The following LINGO2 variants were observed in gnomAD, a reference collection of about 807,000 sequenced individuals.
LINGO2 encodes leucine-rich repeat and immunoglobulin-like domain-containing nogo receptor-interacting protein 2.
Under a neutral mutation model 30.6 loss-of-function variants are expected in LINGO2, and 14 were observed. The ratio of observed to expected loss-of-function variants is 0.46; its 90% CI spans 0.30 to 0.72. LINGO2 has a LOEUF of 0.72. Among genes scored for constraint, LINGO2 ranks in the 30% least tolerant of loss-of-function variants. The pLI is 0.07. For missense variants in LINGO2, 729 were observed against 751.7 expected (o/e 0.97, Z 0.35); for synonymous variants, 317 against 288.5 (o/e 1.10, Z -1.00).
intron 4 of LINGO2, among the ~76,000 whole-genome samples, chr9:28,195,035 A>G (rs1022585063): frequency 1.3e-5 from 2 of 152,168 alleles, no homozygotes; most frequent in African/African-American, 4.8e-5. Context: ...AACAAAAAGG[A>G]TTAGTAATAA....
At chr9:28,042,276 G>A (rs1824229617) in intron 4 of LINGO2, among the ~76,000 whole-genome samples, 1 of 152,114 alleles carries the variant, frequency 6.6e-6, no homozygotes, top group Non-Finnish European at 1.5e-5. Flanking sequence ...CCCCATTAAT[G>A]TTAATCTCCA....
chr9:28,109,348 C>T (rs1826700722), intron 4 of LINGO2, among the ~76,000 whole-genome samples: 1 of 152,094 alleles, frequency 6.6e-6, no homozygotes, highest in Non-Finnish European at 1.5e-5. Flanking sequence ...ACAAGGATGC[C>T]CTCTCTCACC....
the LINGO2 span, among the ~76,000 whole-genome samples, chr9:29,046,409 C>A: frequency 9.9e-5 from 15 of 152,184 alleles, no homozygotes; most frequent in East Asian, 2.9e-3. Flanking sequence ...AGCACATAGA[C>A]CAATGGAACA....
At chr9:28,947,456 C>A in the LINGO2 span, among the ~76,000 whole-genome samples, 1 of 151,916 alleles carries the variant, frequency 6.6e-6, no homozygotes, top group Non-Finnish European at 1.5e-5. Context: ...TAATATCTAC[C>A]TCTTAAGGCT....
chr9:28,730,592 T>C, the LINGO2 span, among the ~76,000 whole-genome samples: 1 of 152,072 alleles, frequency 6.6e-6, no homozygotes, highest in African/African-American at 2.4e-5. Context: ...TAGAGAACTC[T>C]TCAAAACTCA....
At chr9:29,035,675 G>C in the LINGO2 span, among the ~76,000 whole-genome samples, 2 of 151,574 alleles carry the variant, frequency 1.3e-5, no homozygotes, top group African/African-American at 4.8e-5. Flanking sequence ...TGGGGAAATG[G>C]AGAAGAGAGG....
chr9:28,253,939 C>A (rs929592862), intron 4 of LINGO2, among the ~76,000 whole-genome samples: 35 of 152,082 alleles, frequency 2.3e-4, no homozygotes, highest in Non-Finnish European at 2.5e-4. Flanking sequence ...CTGGGTGGAA[C>A]CTGGGATTCA....
chr9:28,035,884 AC>A lies in LINGO2; in HGVS notation c.-86-23480del, dbSNP rs1823907187. 1.9e-4 allele frequency among the ~76,000 whole-genome samples: 11 copies of A among 58,990 alleles called. No homozygotes were observed. In the South Asian group the frequency reaches 6.7e-3, roughly 36 times the overall value. 38.7% of individuals were successfully genotyped at this position (58,990 alleles called of 152,430 possible). On this transcript the variant is annotated intron_variant, in intron 4 of 5. Transcript: ENST00000379992. ...CAAGGATGAAATGATAGCAGAACAC[AC>A]ACACACAAACACACACACACACACA...
At chr9:28,860,994 ATATT>A in the LINGO2 span, among the ~76,000 whole-genome samples, 2 of 127,252 alleles carry the variant, frequency 1.6e-5, no homozygotes, top group African/African-American at 5.9e-5. Context: ...ATAATATATT[ATATT>A]TATTAATATA....
intron 2 of LINGO2, among the ~76,000 whole-genome samples, chr9:28,404,345 G>GA (rs11375758): frequency 0.21 from 32,030 of 151,280 alleles, 3,828 homozygotes; most frequent in African/African-American, 0.33. Context: ...GAGGTTTAAA[G>GA]AAAAAAAATC....
At chr9:28,528,145 C>G (rs1373787740) in intron 1 of LINGO2, among the ~76,000 whole-genome samples, 1 of 152,154 alleles carries the variant, frequency 6.6e-6, no homozygotes, top group Non-Finnish European at 1.5e-5. Context: ...TCCTACTTAA[C>G]TCAGGATAAG....
At chr9:28,571,790 G>A (rs2135595265) in intron 1 of LINGO2, among the ~76,000 whole-genome samples, 1 of 151,724 alleles carries the variant, frequency 6.6e-6, no homozygotes, top group Non-Finnish European at 1.5e-5. Flanking sequence ...TGTTCTATAT[G>A]TTGAGAATAC....
chr9:28,054,243 GCCCTT>G (rs1824813308), intron 4 of LINGO2, among the ~76,000 whole-genome samples: 1 of 152,052 alleles, frequency 6.6e-6, no homozygotes, highest in African/African-American at 2.4e-5. Flanking sequence ...AGACCTGGGA[GCCCTT>G]CTCTCACCTT....
At chr9:28,983,524 A>G in the LINGO2 span, among the ~76,000 whole-genome samples, 1,360 of 152,026 alleles carry the variant, frequency 8.9e-3, 27 homozygotes, top group African/African-American at 0.031. Flanking sequence ...TATTTAGAGC[A>G]TAGTCAAATA....
chr9:28,836,318 CTA>C, the LINGO2 span, among the ~76,000 whole-genome samples: 1 of 151,456 alleles, frequency 6.6e-6, no homozygotes, highest in African/African-American at 2.4e-5. Flanking sequence ...ATTATCCTAA[CTA>C]TATATATATT....
chr9:28,744,639 TA>T, the LINGO2 span, among the ~76,000 whole-genome samples: 2,006 of 141,490 alleles, frequency 0.014, 74 homozygotes, highest in African/African-American at 0.049. Context: ...TGTGTGTGTG[TA>T]TTTTTTTTTT....
At chr9:27,960,293 A>C (rs1029919784) in intron 5 of LINGO2, among the ~76,000 whole-genome samples, 4 of 152,206 alleles carry the variant, frequency 2.6e-5, no homozygotes, top group African/African-American at 9.6e-5. Context: ...CTATTTTCAA[A>C]TAATTATGCT....
chr9:28,470,567 G>A (rs192130182), intron 2 of LINGO2, among the ~76,000 whole-genome samples: 6 of 152,160 alleles, frequency 3.9e-5, no homozygotes, highest in Non-Finnish European at 8.8e-5. Context: ...CATGCCTGTT[G>A]CCCATGTGCC....
intron 1 of LINGO2, among the ~76,000 whole-genome samples, chr9:28,492,170 C>T (rs1826421767): frequency 6.6e-6 from 1 of 152,150 alleles, no homozygotes; most frequent in Non-Finnish European, 1.5e-5. Flanking sequence ...GCCAGGAATG[C>T]TCCACACAGA....
Sources: gnomAD v4.1 joint callset for allele counts (sites outside exome capture counted in the v4.1 genomes callset) on GRCh38, gnomAD v4.1.1 for gene constraint, MANE v1.5 for transcripts, NCBI Gene and HGNC (gene_info 2026-07-23, HGNC 2026-07-21) for gene names.